Variants in NCOA2 observed in about 807,000 individuals in gnomAD.
The protein encoded by NCOA2 is nuclear receptor coactivator 2.
NCOA2 carries 21 observed loss-of-function variants against 145.1 expected under a neutral mutation model. The observed-to-expected ratio is 0.14, with a 90% CI of 0.10 to 0.21. The LOEUF (loss-of-function observed/expected upper bound fraction) is 0.21. Among genes scored for constraint, NCOA2 ranks in the 10% least tolerant of loss-of-function variants. NCOA2 has a pLI of 1.00. For missense variants in NCOA2, 1,472 were observed against 1,837.6 expected (o/e 0.80, Z 3.64); for synonymous variants, 619 against 637.5 (o/e 0.97, Z 0.44).
At chr8:70,121,055 GA>G (rs937758126) in intron 22 of NCOA2, among the ~76,000 whole-genome samples, 17 of 151,220 alleles carry the variant, frequency 1.1e-4, no homozygotes, top group Admixed American at 2.0e-4. Context: ...GAAGACTACA[GA>G]AAAAAAAGAT....
chr8:70,424,432 G>A, the NCOA2 span: 2 of 473,994 alleles, frequency 4.2e-6, no homozygotes. Context: ...TGAGGTTAGT[G>A]TCTGCTTTCT....
At chr8:70,404,631 T>C (rs1222502065), upstream of NCOA2, among the ~76,000 whole-genome samples, 3 of 152,184 alleles carry the variant, frequency 2.0e-5, no homozygotes, top group African/African-American at 4.8e-5. Flanking sequence ...CACCCGGCAA[T>C]TGCGGGATAA....
At chr8:70,235,447 C>A (rs1411417242) in intron 2 of NCOA2, among the ~76,000 whole-genome samples, 1 of 151,984 alleles carries the variant, frequency 6.6e-6, no homozygotes, top group African/African-American at 2.4e-5. Flanking sequence ...GGATATTTTA[C>A]CATAATAAAA....
At chr8:70,203,488 T>C (rs1039033057) in intron 4 of NCOA2, among the ~76,000 whole-genome samples, 5 of 151,962 alleles carry the variant, frequency 3.3e-5, no homozygotes, top group African/African-American at 4.8e-5. Flanking sequence ...TACTTTACTA[T>C]AATCCCAGCT....
chr8:70,445,216 C>A, the NCOA2 span, among the ~76,000 whole-genome samples: 2 of 152,114 alleles, frequency 1.3e-5, no homozygotes, highest in African/African-American at 4.8e-5. Context: ...TCAAAACCTG[C>A]CTTATTTTTA....
intron 11 of NCOA2, among the ~76,000 whole-genome samples, chr8:70,153,631 C>T (rs575234601): frequency 7.2e-5 from 11 of 152,208 alleles, no homozygotes; most frequent in African/African-American, 2.6e-4. Flanking sequence ...GTCAAGAGAC[C>T]GGAGTGCCAT....
Position 70,216,642 on chromosome 8 carries a change from T to C in NCOA2, c.86+18A>G, listed in dbSNP as rs951499140. ...TTTAACAGACAATACTGATTCCTTT[T>C]CTCAGCAAGAATCTAACCTGGGTCC... is the stretch of plus-strand genomic sequence containing the variant. On this transcript the variant is annotated intron_variant, in intron 3 of 22. Coordinates refer to ENST00000452400, the MANE Select transcript of NCOA2 (RefSeq NM_006540.4). 3.1e-6 allele frequency: 5 copies of C among 1,589,382 alleles called. No homozygotes were observed. Among genetic ancestry groups the C allele is most frequent in the East Asian group, 2.2e-5 (1 of 44,756 alleles).
chr8:70,299,922 C>A (rs1479979323), intron 1 of NCOA2, among the ~76,000 whole-genome samples: 2 of 152,116 alleles, frequency 1.3e-5, no homozygotes, highest in Non-Finnish European at 2.9e-5. Flanking sequence ...TGCTGTACAT[C>A]CATACAGTGG....
chr8:70,353,828 G>T (rs1320665525), intron 1 of NCOA2, among the ~76,000 whole-genome samples: 1 of 152,060 alleles, frequency 6.6e-6, no homozygotes, highest in Non-Finnish European at 1.5e-5. Context: ...TTGTTTGCTG[G>T]ATATACATTT....
intron 2 of NCOA2, among the ~76,000 whole-genome samples, chr8:70,243,522 A>G (rs568872856): frequency 6.6e-6 from 1 of 152,222 alleles, no homozygotes; most frequent in Admixed American, 6.5e-5. Context: ...ATAGGTGCTC[A>G]ATAAAAATAC....
At chr8:70,139,615 C>A (rs16936761) in intron 14 of NCOA2, among the ~76,000 whole-genome samples, 15,924 of 147,472 alleles carry the variant, frequency 0.11, 1,289 homozygotes, top group East Asian at 0.42. Flanking sequence ...GAAAATTCTA[C>A]ACTGTCTTGT....
At chr8:70,357,027 C>T (rs1048507663) in intron 1 of NCOA2, among the ~76,000 whole-genome samples, 2 of 152,088 alleles carry the variant, frequency 1.3e-5, no homozygotes, top group African/African-American at 4.8e-5. Context: ...TTTTATAAAT[C>T]TTTGTTTCCT....
At chr8:70,421,793 G>C in the NCOA2 span, among the ~76,000 whole-genome samples, 1 of 151,492 alleles carries the variant, frequency 6.6e-6, no homozygotes. Flanking sequence ...TAAAAATATA[G>C]TTAAAAAAGT....
intron 2 of NCOA2, among the ~76,000 whole-genome samples, chr8:70,274,706 A>G (rs1250845472): frequency 1.3e-5 from 2 of 152,242 alleles, no homozygotes; most frequent in Admixed American, 6.5e-5. Context: ...CTTCCAAAAT[A>G]ACTCCGAAAG....
intron 1 of NCOA2, among the ~76,000 whole-genome samples, chr8:70,376,734 G>A (rs1056238636): frequency 3.3e-5 from 5 of 152,150 alleles, no homozygotes; most frequent in African/African-American, 4.8e-5. Context: ...AAAATCTACT[G>A]GGCTTAGCCA....
the NCOA2 span, among the ~76,000 whole-genome samples, chr8:70,422,951 C>T: frequency 6.6e-6 from 1 of 152,176 alleles, no homozygotes; most frequent in African/African-American, 2.4e-5. Context: ...GGCTCAGCCT[C>T]CTGAGTGGCT....
intron 1 of NCOA2, among the ~76,000 whole-genome samples, chr8:70,342,518 T>G (rs1163379947): frequency 6.6e-6 from 1 of 152,266 alleles, no homozygotes; most frequent in South Asian, 2.1e-4. Flanking sequence ...GGTTTAATAC[T>G]GCATTAAATA....
intron 1 of NCOA2, among the ~76,000 whole-genome samples, chr8:70,326,784 A>G (rs1173694984): frequency 6.6e-6 from 1 of 152,214 alleles, no homozygotes; most frequent in Non-Finnish European, 1.5e-5. Flanking sequence ...AGAACAGAAA[A>G]TGTAATGAGA....
chr8:70,187,127 G>T (rs1476166781), intron 4 of NCOA2, among the ~76,000 whole-genome samples: 1 of 152,142 alleles, frequency 6.6e-6, no homozygotes, highest in Non-Finnish European at 1.5e-5. Flanking sequence ...GCCTCAACCA[G>T]GCAGCAGGAG....
Sources: allele counts gnomAD v4.1 joint callset (sites outside exome capture counted in the v4.1 genomes callset), GRCh38; gene constraint gnomAD v4.1.1; transcripts MANE v1.5; gene names NCBI Gene and HGNC (gene_info 2026-07-23, HGNC 2026-07-21).